SEC16B: variants seen among roughly 807,000 people sequenced by gnomAD.
SEC16B encodes protein transport protein Sec16B.
SEC16B carries 115 observed loss-of-function variants against 141.8 expected under a neutral mutation model. The observed-to-expected ratio is 0.81, with a 90% CI of 0.70 to 0.95. The LOEUF (loss-of-function observed/expected upper bound fraction) is 0.95, where lower values mean the gene tolerates loss of function less well. SEC16B is among the 40% of genes least tolerant of loss of function. The probability of loss-of-function intolerance (pLI) is 0.00; values close to 1 mark genes in which losing one functional copy is unlikely to be tolerated. For synonymous variants in SEC16B, 493 were observed against 492.5 expected, an observed-to-expected ratio of 1.00 and a Z score of -0.01; for missense variants, 1,291 against 1,312.3, an observed-to-expected ratio of 0.98 and a Z score of 0.25.
At chr1:177,970,139 G>A (rs780538377), upstream of SEC16B, 2 of 152,300 alleles carry the variant, frequency 1.3e-5, no homozygotes, top group African/African-American at 2.4e-5. Flanking sequence ...AACCCTGTCA[G>A]AGACTGGCGC....
At chr1:177,933,145 T>C in intron 22 of SEC16B, 69 bp downstream of exon 22, 1 of 1,288,298 alleles carries the variant, frequency 7.8e-7, no homozygotes, top group Non-Finnish European at 1.1e-6. Flanking sequence ...TGAGAGCTCC[T>C]AGGTGCTGAG....
At position 177,933,582 on chromosome 1, in the gene SEC16B, T is replaced by G. The variant is rs759419318; in HGVS notation, c.2626A>C (p.Lys876Gln). 5.0e-6 allele frequency: 8 copies of G among 1,613,980 alleles called. No individual in the cohort carries two copies. The highest frequency in any genetic ancestry group is 6.8e-6 in the Non-Finnish European group (8 of 1,179,854). Residue 876 changes from lysine (K) to glutamine (Q), a missense_variant, in exon 21 of 26, where the codon AAG (lysine) becomes CAG (glutamine). Coordinates refer to ENST00000308284, the MANE Select transcript of SEC16B (RefSeq NM_033127.4). ...SISESSASSA[K>Q]EDEKESSDEA... Reference sequence around the variant, plus strand: ...TCAGAGGACTCCTTCTCATCCTCCTTGGCTGAACTGGCGGAACTCTCAGAA... The same window carrying G: ...TCAGAGGACTCCTTCTCATCCTCCTGGGCTGAACTGGCGGAACTCTCAGAA...
intron 2 of SEC16B, among the ~76,000 whole-genome samples, chr1:177,966,685 C>A (rs893621625): frequency 7.2e-5 from 11 of 151,990 alleles, no homozygotes; most frequent in Non-Finnish European, 4.4e-5. Context: ...CCCGTCTCTA[C>A]CCAGGTAGCT....
chr1:177,976,953 C>T (rs1206824844), intron 1 of SEC16B, among the ~76,000 whole-genome samples: 1 of 152,146 alleles, frequency 6.6e-6, no homozygotes, highest in Non-Finnish European at 1.5e-5. Context: ...TAAGAAAATG[C>T]AGCCCAGTGC....
Position 177,940,611 on chromosome 1 carries a change from T to A in SEC16B, c.2126A>T (p.Glu709Val). Reference protein sequence around the residue: ...DWLAQLRRQLEQKVAGDIGDP... With the variant: ...DWLAQLRRQLVQKVAGDIGDP... Reference sequence around the variant, plus strand: ...CGCCCTGGCTCCAATCCCACTCACCTCCAGCTGCCTCCGAAGTTGCGCTAG... The same window carrying A: ...CGCCCTGGCTCCAATCCCACTCACCACCAGCTGCCTCCGAAGTTGCGCTAG... Residue 709 changes from glutamate (E) to valine (V), a missense_variant and splice_region_variant, in exon 17 of 26, where the codon GAG (glutamate) becomes GTG (valine). By Grantham distance (121) the Glu-to-Val change is moderately radical. Around this residue, in one of 3 missense-constraint regions of SEC16B, gnomAD observed 605 missense variants for 614.1 expected, o/e 0.99. Transcript: ENST00000308284. 6.2e-7 allele frequency: 1 copy of A among 1,612,364 alleles called. No individual in the cohort carries two copies. Among genetic ancestry groups the A allele is most frequent in the Non-Finnish European group, 8.5e-7 (1 of 1,178,724 alleles).
Position 177,960,823 on chromosome 1 carries a change from G to T in SEC16B, c.904C>A (p.Gln302Lys), listed in dbSNP as rs778212791. 3 of 1,611,798 alleles carry T rather than the reference G, an allele frequency of 1.9e-6. No individual in the cohort carries two copies. Among genetic ancestry groups the T allele is most frequent in the South Asian group, 2.2e-5 (2 of 90,832 alleles). ...CTGTGCAGTTCAACAAGGGCTGCTT[G>T]CCCGTCAGTGGGAGAGCTGGGACCT... ...HVGPSSPTDGQAALVELHSME... is the reference protein window; with the variant it reads ...HVGPSSPTDGKAALVELHSME... Residue 302 changes from glutamine (Q) to lysine (K), a missense_variant, in exon 7 of 26, where the codon CAA (glutamine) becomes AAA (lysine). Transcript: ENST00000308284.
intron 10 of SEC16B, among the ~76,000 whole-genome samples, chr1:177,957,806 C>T (rs1652729504): frequency 6.8e-6 from 1 of 146,790 alleles, no homozygotes; most frequent in Non-Finnish European, 1.5e-5. Flanking sequence ...TCCCTCCCAC[C>T]CTCCCCTACT....
chr1:177,959,041 G>T, intron 8 of SEC16B, 66 bp from the exon 9 acceptor site: 1 of 1,540,086 alleles, frequency 6.5e-7, no homozygotes. Flanking sequence ...CGGACCCCAG[G>T]CTCCTCCTAA....
chr1:177,936,866 T>G (rs1011310479), intron 19 of SEC16B, among the ~76,000 whole-genome samples: 7 of 152,102 alleles, frequency 4.6e-5, no homozygotes, highest in African/African-American at 1.4e-4. Context: ...AGCTCTTGAG[T>G]GCAGGATGAT....
intron 20 of SEC16B, 130 bp downstream of exon 20, chr1:177,936,168 G>A (rs1650822435): frequency 1.4e-6 from 1 of 720,308 alleles, no homozygotes. Context: ...AAAAGGCAAG[G>A]CGAGATGTGG....
chr1:177,967,643 T>C (rs1469111359), intron 2 of SEC16B, 40 bp downstream of exon 2: 2 of 1,515,588 alleles, frequency 1.3e-6, no homozygotes, highest in Non-Finnish European at 1.8e-6. Context: ...TTCATACGCA[T>C]TTAGGAGAGT....
Position 177,944,604 on chromosome 1 carries a change from C to T in SEC16B, c.1838G>A (p.Cys613Tyr). Residue 613 changes from cysteine (C) to tyrosine (Y), a missense_variant, in exon 15 of 26, where the codon TGT becomes TAT. Cys to Tyr is a radical substitution (Grantham distance 194, BLOSUM62 -2). This residue lies in a region of SEC16B where 605 missense variants were observed against 614.1 expected (regional missense o/e 0.99). Coordinates refer to ENST00000308284, the MANE Select transcript of SEC16B (RefSeq NM_033127.4). ...GGATTTGGGGCGGCCCAGCATCTGA[C>T]AGTACTCGAAGATTTCCGTCCTCTG... ...AIQRTEIFEY[C>Y]QMLGRPKSFI... The T allele has an allele frequency of 6.2e-7, 1 of 1,613,898 alleles. No homozygotes were observed. Among genetic ancestry groups the T allele is most frequent in the South Asian group, 1.1e-5 (1 of 91,074 alleles).
At chr1:177,934,146 T>A (rs500142) in intron 20 of SEC16B, among the ~76,000 whole-genome samples, 107,061 of 151,938 alleles carry the variant, frequency 0.7, 37,822 homozygotes, top group East Asian at 0.87. Context: ...TTTTTTTTTT[T>A]TTGTGGTAAG....
rs538529395 is a variant in SEC16B at position 177,944,297 on chromosome 1, C to T, written c.1881+264G>A. On this transcript the variant is annotated intron_variant, in intron 15 of 25. Transcript: ENST00000308284. ...AGCAGGAGTGAGGCACAGGCCGGGG[C>T]GGCAGGCAGGACGTTCAAACATCAG... 2.6e-4 allele frequency among the ~76,000 whole-genome samples: 39 copies of T among 152,254 alleles called. 1 individual carries two copies. Among genetic ancestry groups the T allele is most frequent in the South Asian group, 1.2e-3 (6 of 4,820 alleles).
At chr1:177,983,206 T>C (rs1360899017) in intron 1 of SEC16B, among the ~76,000 whole-genome samples, 1 of 152,210 alleles carries the variant, frequency 6.6e-6, no homozygotes, top group African/African-American at 2.4e-5. Context: ...CCCAATGCAT[T>C]CATTTTATAG....
chr1:177,973,921 T>A (rs1654061666), upstream of SEC16B, among the ~76,000 whole-genome samples: 1 of 151,942 alleles, frequency 6.6e-6, no homozygotes, highest in Non-Finnish European at 1.5e-5. Flanking sequence ...TCAAGGCTAT[T>A]CCATAAATCA....
intron 10 of SEC16B, among the ~76,000 whole-genome samples, chr1:177,955,169 G>C (rs1452645048): frequency 6.6e-6 from 1 of 151,992 alleles, no homozygotes; most frequent in East Asian, 1.9e-4. Flanking sequence ...AATGCATTTT[G>C]AATTGAATTG....
Position 177,965,036 on chromosome 1 carries a change from T to C in SEC16B, c.533+11A>G, listed in dbSNP as rs1653400293. On this transcript the variant is annotated intron_variant, in intron 4 of 25. Transcript: ENST00000308284. ...ACATCATGTCAAACTGGCCTCTCCTTTCACACTTACTGGAAGTGGGTCTCA... is the reference window on the plus strand; with the variant it reads ...ACATCATGTCAAACTGGCCTCTCCTCTCACACTTACTGGAAGTGGGTCTCA... 6.2e-7 allele frequency: 1 copy of C among 1,612,810 alleles called. No individual in the cohort carries two copies. The highest frequency in any genetic ancestry group is 8.5e-7 in the Non-Finnish European group (1 of 1,179,480).
Position 177,946,407 on chromosome 1 carries a change from C to T in SEC16B, c.1775+13G>A. ...AAATGTCCTTACTGTTTCCTTTCTC[C>T]CAGGTCGCATACCTGTGGCTGCTGC... is the stretch of plus-strand genomic sequence containing the variant. On this transcript the variant is annotated intron_variant, in intron 14 of 25. Transcript: ENST00000308284. 6.5e-7 allele frequency: 1 copy of T among 1,538,674 alleles called. No individual in the cohort carries two copies.
Sources: allele counts gnomAD v4.1 joint callset (sites outside exome capture counted in the v4.1 genomes callset), GRCh38; gene constraint gnomAD v4.1.1; regional missense constraint gnomAD v4.1.1; transcripts MANE v1.5; gene names NCBI Gene and HGNC (gene_info 2026-07-23, HGNC 2026-07-21).